The following HEATR5B variants were observed in gnomAD, a reference collection of about 807,000 sequenced individuals.
HEATR5B encodes the protein HEAT repeat-containing protein 5B.
In HEATR5B, 156 loss-of-function variants were observed where a neutral mutation model predicts 224.1. That is an observed-to-expected ratio of 0.70 (90% CI 0.61 to 0.80). The LOEUF (loss-of-function observed/expected upper bound fraction) is 0.80. HEATR5B is among the 30% of genes least tolerant of loss of function. HEATR5B has a pLI of 0.00. For synonymous variants in HEATR5B, 1,027 were observed against 893.0 expected (o/e 1.15, Z -2.68); for missense variants, 2,323 against 2,535.5 (o/e 0.92, Z 1.80).
chr2:37,038,352 C>T lies in HEATR5B; in HGVS notation c.3047-328G>A, dbSNP rs542951121. ...ATGAGTTTTCACCATGTTGGTCAGG[C>T]TGGTCTCGAACTTCTGACCTCAAAT... is the stretch of plus-strand genomic sequence containing the variant. On this transcript the variant is annotated intron_variant, in intron 20 of 35. Coordinates refer to ENST00000233099, the MANE Select transcript of HEATR5B (RefSeq NM_019024.3). 5.3e-5 allele frequency among the ~76,000 whole-genome samples: 8 copies of T among 152,204 alleles called. No homozygotes were observed. In the South Asian group the frequency reaches 1.7e-3, roughly 32 times the overall value.
intron 24 of HEATR5B, among the ~76,000 whole-genome samples, chr2:37,024,214 G>T (rs1374419184): frequency 2.0e-5 from 3 of 152,220 alleles, no homozygotes; most frequent in Non-Finnish European, 4.4e-5. Flanking sequence ...AACAGAAGTA[G>T]AGAGTAGAAT....
intron 20 of HEATR5B, among the ~76,000 whole-genome samples, chr2:37,038,790 A>G (rs933703663): frequency 6.0e-5 from 9 of 150,718 alleles, no homozygotes; most frequent in African/African-American, 2.2e-4. Flanking sequence ...TACTGAAAAT[A>G]CAAGTTAGCT....
At chr2:37,081,009 A>G (rs994420513) in intron 2 of HEATR5B, among the ~76,000 whole-genome samples, 49 of 152,208 alleles carry the variant, frequency 3.2e-4, no homozygotes, top group Admixed American at 2.0e-3. Flanking sequence ...GTATTTATCA[A>G]TTTCAGAACA....
rs140024986 is a variant in HEATR5B at position 37,010,471 on chromosome 2, C to G, written c.4285-1623G>C. Reference sequence around the variant, plus strand: ...AGTTATGAATATATTACTGTCATATCTTCTAGTGAGTACATGCTTGTTTCC... The same window carrying G: ...AGTTATGAATATATTACTGTCATATGTTCTAGTGAGTACATGCTTGTTTCC... On this transcript the variant is annotated intron_variant, in intron 27 of 35. Transcript: ENST00000233099. 4.0e-3 allele frequency among the ~76,000 whole-genome samples: 613 copies of G among 151,908 alleles called. 3 individuals are homozygous for G. Among genetic ancestry groups the G allele is most frequent in the South Asian group, 0.015 (70 of 4,808 alleles).
In HEATR5B at chr2:37,014,773, T is replaced by C. The variant is rs187109929; in HGVS notation, c.4105-753A>G. Among the ~76,000 whole-genome samples the C allele has an allele frequency of 9.3e-3, 1,392 of 149,774 alleles. 8 individuals carry two copies. The highest frequency in any genetic ancestry group is 0.014 in the Non-Finnish European group (955 of 67,638). On this transcript the variant is annotated intron_variant, in intron 26 of 35. Transcript: ENST00000233099. ...GCAGGCGGATCACGAGGTCAGGAGA[T>C]TGAGACCATCCTGACCAACATGGTG...
chr2:37,011,728 T>C (rs977811430), intron 27 of HEATR5B, among the ~76,000 whole-genome samples: 8 of 152,234 alleles, frequency 5.3e-5, no homozygotes, highest in Non-Finnish European at 8.8e-5. Context: ...TATTTACTTC[T>C]AATTCTTTAC....
intron 7 of HEATR5B, among the ~76,000 whole-genome samples, chr2:37,069,739 AC>A (rs770348152): frequency 2.0e-5 from 3 of 152,176 alleles, no homozygotes; most frequent in Non-Finnish European, 2.9e-5. Flanking sequence ...TTAAATATCT[AC>A]CGAATTTCCA....
At chr2:37,074,165 C>A (rs1672082797) in intron 5 of HEATR5B, among the ~76,000 whole-genome samples, 1 of 151,156 alleles carries the variant, frequency 6.6e-6, no homozygotes, top group Non-Finnish European at 1.5e-5. Flanking sequence ...ACTAAAAATA[C>A]AAAAAAAATT....
intron 33 of HEATR5B, among the ~76,000 whole-genome samples, chr2:36,994,995 C>T: frequency 6.6e-6 from 1 of 152,006 alleles, no homozygotes; most frequent in East Asian, 1.9e-4. Flanking sequence ...CATGATCTGT[C>T]CACCTCGGCC....
At chr2:37,050,400 G>A (rs1572890015) in intron 17 of HEATR5B, among the ~76,000 whole-genome samples, 1 of 152,068 alleles carries the variant, frequency 6.6e-6, no homozygotes, top group Non-Finnish European at 1.5e-5. Flanking sequence ...AGACACTTGC[G>A]GGGAGTGTCT....
chr2:36,997,426 CG>C (rs960751364), intron 33 of HEATR5B, among the ~76,000 whole-genome samples: 1 of 152,026 alleles, frequency 6.6e-6, no homozygotes, highest in African/African-American at 2.4e-5. Context: ...TCTGCTCAAG[CG>C]ATCTACCTGT....
intron 21 of HEATR5B, among the ~76,000 whole-genome samples, chr2:37,034,178 T>C (rs1669320380): frequency 6.6e-6 from 1 of 151,384 alleles, no homozygotes. Flanking sequence ...GGCTAATTTT[T>C]TGTATTTTTA....
At chr2:37,082,492 G>C (rs1672644425) in intron 2 of HEATR5B, among the ~76,000 whole-genome samples, 1 of 152,198 alleles carries the variant, frequency 6.6e-6, no homozygotes, top group African/African-American at 2.4e-5. Context: ...GCAGCACTGT[G>C]ACATGTTCAT....
At chr2:37,022,884 G>A (rs989330919) in intron 24 of HEATR5B, among the ~76,000 whole-genome samples, 3 of 151,876 alleles carry the variant, frequency 2.0e-5, no homozygotes, top group Non-Finnish European at 4.4e-5. Flanking sequence ...CACTAATATC[G>A]TAAAATTTAC....
intron 10 of HEATR5B, among the ~76,000 whole-genome samples, chr2:37,063,336 A>G (rs1392967596): frequency 6.6e-6 from 1 of 152,188 alleles, no homozygotes; most frequent in Non-Finnish European, 1.5e-5. Flanking sequence ...GAAGCTGAAA[A>G]AGGCCAGGGA....
At position 37,024,981 on chromosome 2, in the gene HEATR5B, G is replaced by T. The variant is rs149386221; in HGVS notation, c.3853+2942C>A. ...GGGACTGAGCAAAAACTTCAAAGTG[G>T]AAAGATAATTCGGTGGTGTATTATA... On this transcript the variant is annotated intron_variant, in intron 24 of 35. Coordinates refer to ENST00000233099, the MANE Select transcript of HEATR5B (RefSeq NM_019024.3). Among the ~76,000 whole-genome samples the T allele has an allele frequency of 1.4e-4, 21 of 152,274 alleles. No individual in the cohort carries two copies. In the East Asian group the frequency reaches 3.9e-3, roughly 28 times the overall value.
chr2:37,016,577 G>C (rs1668132691), intron 26 of HEATR5B, among the ~76,000 whole-genome samples: 1 of 152,118 alleles, frequency 6.6e-6, no homozygotes, highest in South Asian at 2.1e-4. Context: ...GCAACAAAAT[G>C]TATTACAAAT....
rs116453187 is a variant in HEATR5B, at chr2:36,995,390, T to C, written c.5546-4591A>G. On this transcript the variant is annotated intron_variant, in intron 33 of 35. Coordinates refer to ENST00000233099, the MANE Select transcript of HEATR5B (RefSeq NM_019024.3). ...GAGCTACCATGGCCAGCCCTTGTTA[T>C]TCCTATCTATACACACATATACATA... Among the ~76,000 whole-genome samples the C allele has an allele frequency of 2.4e-3, 365 of 152,274 alleles. 4 individuals are homozygous for C. The highest frequency in any genetic ancestry group is 8.5e-3 in the African/African-American group (355 of 41,544).
intron 32 of HEATR5B, 36 bp downstream of exon 32, chr2:37,002,270 A>T (rs1667134920): frequency 6.2e-7 from 1 of 1,608,996 alleles, no homozygotes; most frequent in South Asian, 1.1e-5. Context: ...GTCTACTGTA[A>T]TATAATGCAT....
Sources: gnomAD v4.1 joint callset for allele counts (sites outside exome capture counted in the v4.1 genomes callset) on GRCh38, gnomAD v4.1.1 for gene constraint, MANE v1.5 for transcripts, NCBI Gene and HGNC (gene_info 2026-07-23, HGNC 2026-07-21) for gene names.